PEX7: variants seen among roughly 807,000 people sequenced by gnomAD.
PEX7 encodes the protein peroxisomal biogenesis factor 7.
PEX7 carries 34 observed loss-of-function variants against 47.5 expected under a neutral mutation model. The observed-to-expected ratio is 0.72, with a 90% CI of 0.54 to 0.95. The LOEUF (loss-of-function observed/expected upper bound fraction) is 0.95. Ranked by LOEUF, PEX7 falls within the 40% of genes least tolerant of loss-of-function variation. The probability of loss-of-function intolerance (pLI) is 0.00; values close to 1 mark genes in which losing one functional copy is unlikely to be tolerated. For synonymous variants in PEX7, 141 were observed against 148.8 expected, an observed-to-expected ratio of 0.95 and a Z score of 0.38; for missense variants, 394 against 400.3, an observed-to-expected ratio of 0.98 and a Z score of 0.13.
chr6:136,852,213 T>G (rs1233461496), intron 5 of PEX7, among the ~76,000 whole-genome samples: 1 of 152,124 alleles, frequency 6.6e-6, no homozygotes, highest in East Asian at 1.9e-4. Context: ...TTCAGCTTTC[T>G]GGAAGCACTG....
At chr6:136,881,835 G>C (rs1775380422) in intron 8 of PEX7, among the ~76,000 whole-genome samples, 1 of 152,126 alleles carries the variant, frequency 6.6e-6, no homozygotes, top group African/African-American at 2.4e-5. Flanking sequence ...CAGGGAGCGG[G>C]GGATAGATAT....
At chr6:136,825,131 G>T in intron 1 of PEX7, 83 bp from the exon 2 acceptor site, 1 of 1,081,704 alleles carries the variant, frequency 9.2e-7, no homozygotes, top group South Asian at 1.3e-5. Flanking sequence ...TTAAAATCAG[G>T]TATCAATTAC....
In PEX7 at chr6:136,869,968, C is replaced by G; in HGVS notation, c.712C>G (p.Leu238Val). 1 of 1,613,782 alleles carries G rather than the reference C, an allele frequency of 6.2e-7. No individual in the cohort carries two copies. Among genetic ancestry groups the G allele is most frequent in the Non-Finnish European group, 8.5e-7 (1 of 1,179,738 alleles). Residue 238 changes from leucine (L) to valine (V), a missense_variant, in exon 7 of 10, where the codon CTT (leucine) becomes GTT (valine). By Grantham distance (32) the Leu-to-Val change is conservative. Transcript: ENST00000318471. ...LRNVRQPVFE[L>V]LGHTYAIRRV... ...GAATGTACGACAACCAGTGTTTGAA[C>G]TTCTTGGTCATACCTATGCTATTAG...
At chr6:136,905,957 A>G (rs1775838640) in intron 9 of PEX7, among the ~76,000 whole-genome samples, 1 of 152,212 alleles carries the variant, frequency 6.6e-6, no homozygotes, top group Non-Finnish European at 1.5e-5. Flanking sequence ...TCTCACCAAT[A>G]TCTCTGAAAT....
intron 5 of PEX7, 116 bp from the exon 6 acceptor site, chr6:136,866,511 C>T (rs1582757565): frequency 2.4e-6 from 2 of 822,452 alleles, no homozygotes; most frequent in South Asian, 1.4e-5. Context: ...CTGAAGGTGG[C>T]AATATCCTAA....
intron 9 of PEX7, among the ~76,000 whole-genome samples, chr6:136,913,043 T>C (rs1775957214): frequency 6.6e-6 from 1 of 152,224 alleles, no homozygotes; most frequent in African/African-American, 2.4e-5. Flanking sequence ...GAATGAGCCA[T>C]TTTTTGAAGG....
intron 3 of PEX7, among the ~76,000 whole-genome samples, chr6:136,839,158 C>G (rs540027486): frequency 1.3e-5 from 2 of 152,018 alleles, no homozygotes; most frequent in East Asian, 3.9e-4. Flanking sequence ...GCACTCCAGC[C>G]TGGGTAACAG....
intron 3 of PEX7, among the ~76,000 whole-genome samples, chr6:136,839,430 T>C (rs1383498923): frequency 6.6e-6 from 1 of 152,200 alleles, no homozygotes; most frequent in Non-Finnish European, 1.5e-5. Flanking sequence ...AAATTTGTCC[T>C]CTCAAACTGT....
intron 7 of PEX7, chr6:136,870,718 T>C (rs1562746154): frequency 2.5e-6 from 1 of 393,138 alleles, no homozygotes; most frequent in East Asian, 9.6e-5. Flanking sequence ...AATTTTTTTT[T>C]CTTTTTTTTT....
Position 136,900,725 on chromosome 6 carries a change from TCTC to T in PEX7, c.903+2486_903+2488del. On this transcript the variant is annotated intron_variant, in intron 9 of 9. Transcript: ENST00000318471. This position sits in a 1 kb window ranked among gnomAD's most constrained non-coding sequence, Gnocchi z 4.2. ...GTCACCGCCAGCTGAGCCTTCTTCT[TCTC>T]CACCAAGGTGGTGACGGTGTTAACC... The T allele has an allele frequency of 5.7e-6, 2 of 351,500 alleles. No homozygotes were observed. The highest frequency in any genetic ancestry group is 4.6e-5 in the South Asian group (2 of 43,390). The allele number at this position is 351,500 out of a possible 1,614,324, so 21.8% of individuals were successfully genotyped here.
chr6:136,872,195 T>C lies in PEX7; in HGVS notation c.748-3T>C. 1 of 1,606,026 alleles carries C rather than the reference T, an allele frequency of 6.2e-7. No individual in the cohort carries two copies. The highest frequency in any genetic ancestry group is 1.7e-4 in the Middle Eastern group (1 of 6,030). On this transcript the variant is annotated splice_polypyrimidine_tract_variant and splice_region_variant and intron_variant, in intron 7 of 9. Transcript: ENST00000318471. ...GGTTTTTTTTTTCTTTTTTTTTTTG[T>C]AGTTTTCACCATTTCATGCTTCTGT...
chr6:136,845,992 G>T, intron 4 of PEX7, 81 bp from the exon 5 acceptor site: 1 of 787,422 alleles, frequency 1.3e-6, no homozygotes. Context: ...AATGTATATA[G>T]TTTATTGGTG....
chr6:136,911,761 C>T (rs2115297380), intron 9 of PEX7, among the ~76,000 whole-genome samples: 1 of 152,280 alleles, frequency 6.6e-6, no homozygotes, highest in South Asian at 2.1e-4. Flanking sequence ...TTCGTGTCTA[C>T]ATTGTTTTGC....
Position 136,913,781 on chromosome 6 carries a change from T to TGTA in PEX7, c.*257_*258insAGT, listed in dbSNP as rs1801001. 234,902 of 441,702 alleles carry TGTA rather than the reference T, an allele frequency of 0.53. 63,570 individuals carry two copies. The highest frequency in any genetic ancestry group is 0.57 in the South Asian group (19,616 of 34,308). 27.4% of individuals were successfully genotyped at this position (441,702 alleles called of 1,614,324 possible). On this transcript the variant is annotated 3_prime_UTR_variant, in exon 10 of 10. Transcript: ENST00000318471. ...ATATATCTTGTAGTATCTATTAAAATGTCTCTGGGTCATAAAATGGATTAA... is the reference window on the plus strand; with the variant it reads ...ATATATCTTGTAGTATCTATTAAAATGTAGTCTCTGGGTCATAAAATGGATTAA...
chr6:136,838,185 A>G (rs1774429366), intron 3 of PEX7, among the ~76,000 whole-genome samples: 1 of 152,224 alleles, frequency 6.6e-6, no homozygotes, highest in African/African-American at 2.4e-5. Context: ...TTCTGTGAAC[A>G]ATCTTAGGAT....
intron 8 of PEX7, among the ~76,000 whole-genome samples, chr6:136,891,768 G>A (rs1334478441): frequency 6.6e-6 from 1 of 151,610 alleles, no homozygotes; most frequent in African/African-American, 2.4e-5. Context: ...AGCCTCCCAA[G>A]TAGCTGGGAC....
rs940245013 is a variant in PEX7, at chr6:136,900,806, C to T, written c.903+2565C>T. The T allele has an allele frequency of 9.2e-6, 3 of 327,246 alleles. No individual in the cohort carries two copies. The highest frequency in any genetic ancestry group is 8.3e-5 in the South Asian group (3 of 35,938). The allele number at this position is 327,246 out of a possible 1,614,324, so 20.3% of individuals were successfully genotyped here. On this transcript the variant is annotated intron_variant, in intron 9 of 9. Transcript: ENST00000318471. The surrounding 1 kb of genome is among the most constrained non-coding windows in gnomAD (Gnocchi z 4.2). ...GTGGGGACATCCCCTTTGCCAACAGCTTTCTTCTCAGCCTGGGCCAAGTCT... is the reference window on the plus strand; with the variant it reads ...GTGGGGACATCCCCTTTGCCAACAGTTTTCTTCTCAGCCTGGGCCAAGTCT...
intron 3 of PEX7, among the ~76,000 whole-genome samples, chr6:136,838,051 G>A (rs943912846): frequency 2.0e-5 from 3 of 152,186 alleles, no homozygotes; most frequent in East Asian, 1.9e-4. Flanking sequence ...TGCTAATAGA[G>A]TTCTAGCTAA....
Position 136,848,888 on chromosome 6 carries a change from G to A in PEX7, c.526+2707G>A, listed in dbSNP as rs143377509. ...CATAAAATGAGTTAAGGAGGATTCC[G>A]TCTTGTTCTATTGATTGGAATAGTT... On this transcript the variant is annotated intron_variant, in intron 5 of 9. Coordinates refer to ENST00000318471, the MANE Select transcript of PEX7 (RefSeq NM_000288.4). Among the ~76,000 whole-genome samples, 1,438 of 152,110 alleles carry A rather than the reference G, an allele frequency of 9.5e-3. 29 individuals are homozygous for A. The highest frequency in any genetic ancestry group is 0.031 in the African/African-American group (1,292 of 41,510).
Sources: allele counts gnomAD v4.1 joint callset (sites outside exome capture counted in the v4.1 genomes callset), GRCh38; gene constraint gnomAD v4.1.1; non-coding constraint Gnocchi (gnomAD v3.1); transcripts MANE v1.5; gene names NCBI Gene and HGNC (gene_info 2026-07-23, HGNC 2026-07-21).